EXOC5: variants seen among roughly 807,000 people sequenced by gnomAD.
The protein encoded by EXOC5 is exocyst complex component 5.
EXOC5 carries 17 observed loss-of-function variants against 90.8 expected under a neutral mutation model. The observed-to-expected ratio is 0.19, with a 90% confidence interval of 0.13 to 0.28. The LOEUF is 0.28. Ranked by LOEUF, EXOC5 falls within the 10% of genes least tolerant of loss-of-function variation. EXOC5 has a pLI of 1.00. For synonymous variants in EXOC5, 260 were observed against 270.0 expected (o/e 0.96, Z 0.36); for missense variants, 569 against 830.6 (o/e 0.69, Z 3.87).
intron 1 of EXOC5, among the ~76,000 whole-genome samples, chr14:57,253,589 C>G (rs150337358): frequency 6.6e-6 from 1 of 152,124 alleles, no homozygotes; most frequent in South Asian, 2.1e-4. Flanking sequence ...AGGACTCACA[C>G]CTTCTAATTT....
At chr14:57,234,988 T>C (rs1230688540) in intron 7 of EXOC5, among the ~76,000 whole-genome samples, 1 of 152,188 alleles carries the variant, frequency 6.6e-6, no homozygotes, top group Non-Finnish European at 1.5e-5. Flanking sequence ...TGATTTGTCA[T>C]TAAGCTCACC....
At chr14:57,261,353 A>AAG (rs1414369139) in intron 1 of EXOC5, among the ~76,000 whole-genome samples, 1 of 152,194 alleles carries the variant, frequency 6.6e-6, no homozygotes, top group Non-Finnish European at 1.5e-5. Flanking sequence ...TTAATTACAC[A>AAG]CATGTGCAGT....
intron 1 of EXOC5, among the ~76,000 whole-genome samples, chr14:57,255,452 G>C (rs1056013537): frequency 1.3e-4 from 20 of 152,106 alleles, no homozygotes; most frequent in African/African-American, 4.8e-4. Flanking sequence ...TTACAGCAAA[G>C]GAGGTAACCA....
At chr14:57,261,986 A>G (rs973658615) in intron 1 of EXOC5, among the ~76,000 whole-genome samples, 5 of 152,170 alleles carry the variant, frequency 3.3e-5, no homozygotes, top group Non-Finnish European at 7.4e-5. Flanking sequence ...AGGATGGCAG[A>G]TCTTGTGACC....
chr14:57,219,511 G>T (rs563583603), intron 13 of EXOC5, 69 bp from the exon 14 acceptor site: 67 of 1,262,828 alleles, frequency 5.3e-5, no homozygotes, highest in Non-Finnish European at 6.6e-5. Flanking sequence ...CAGAAAAAAA[G>T]AATGTGGTTT....
chr14:57,212,924 T>C (rs1374068442), intron 15 of EXOC5, among the ~76,000 whole-genome samples: 4 of 152,200 alleles, frequency 2.6e-5, no homozygotes, highest in African/African-American at 7.2e-5. Flanking sequence ...CACTTTTAAC[T>C]TTATGCAGTG....
chr14:57,249,728 A>G (rs1233606286), intron 1 of EXOC5, among the ~76,000 whole-genome samples: 1 of 152,058 alleles, frequency 6.6e-6, no homozygotes, highest in African/African-American at 2.4e-5. Context: ...GAAAGAGGAT[A>G]CAGAATGATG....
intron 4 of EXOC5, among the ~76,000 whole-genome samples, chr14:57,240,442 C>T (rs1331255976): frequency 2.0e-5 from 3 of 151,798 alleles, no homozygotes; most frequent in African/African-American, 7.3e-5. Flanking sequence ...CCACCATGCC[C>T]GGCTAATTTT....
chr14:57,217,704 A>C, intron 15 of EXOC5, among the ~76,000 whole-genome samples: 1 of 152,196 alleles, frequency 6.6e-6, no homozygotes, highest in South Asian at 2.1e-4. Context: ...CAACTGAAAA[A>C]CGTCACATAT....
intron 12 of EXOC5, among the ~76,000 whole-genome samples, chr14:57,227,831 C>T (rs1883354578): frequency 6.6e-6 from 1 of 152,012 alleles, no homozygotes; most frequent in Non-Finnish European, 1.5e-5. Context: ...ATAATTAAGA[C>T]TGCCTCAACT....
In EXOC5 at chr14:57,231,730, G is replaced by T. The variant is rs577699140; in HGVS notation, c.939-15C>A. ...GATTGGTGGTTCTTTTCATGAAAAAGGGGGAGAAAAAGATTAATATACATT... is the reference window on the plus strand; with the variant it reads ...GATTGGTGGTTCTTTTCATGAAAAATGGGGAGAAAAAGATTAATATACATT... On this transcript the variant is annotated splice_polypyrimidine_tract_variant and intron_variant, in intron 10 of 17. Coordinates refer to ENST00000621441, the MANE Select transcript of EXOC5 (RefSeq NM_006544.4). 6.5e-7 allele frequency: 1 copy of T among 1,538,162 alleles called. No homozygotes were observed. Among genetic ancestry groups the T allele is most frequent in the Non-Finnish European group, 8.9e-7 (1 of 1,126,658 alleles).
intron 12 of EXOC5, among the ~76,000 whole-genome samples, chr14:57,226,146 T>C (rs530353062): frequency 1.3e-4 from 20 of 152,312 alleles, no homozygotes; most frequent in African/African-American, 4.6e-4. Context: ...TCAATTTACA[T>C]TGCCAAGGTG....
chr14:57,266,511 G>A (rs959446629), intron 1 of EXOC5, among the ~76,000 whole-genome samples: 9 of 151,954 alleles, frequency 5.9e-5, no homozygotes, highest in African/African-American at 2.2e-4. Context: ...TTATGATGAA[G>A]CAACAAGCTA....
chr14:57,253,402 T>C (rs374373765), intron 1 of EXOC5, among the ~76,000 whole-genome samples: 1 of 152,174 alleles, frequency 6.6e-6, no homozygotes. Context: ...CACAAATAAA[T>C]GGAAACACAT....
In EXOC5 at chr14:57,226,044, A is replaced by C. The variant is rs962158716; in HGVS notation, c.1297-3628T>G. 2.0e-5 allele frequency among the ~76,000 whole-genome samples: 3 copies of C among 152,224 alleles called. No homozygotes were observed. The South Asian group carries it at 6.2e-4, about 32-fold the overall frequency. The stretch of plus-strand genomic sequence containing the variant: ...TCTACATTTTTACATAAACAATAGG[A>C]CAGAGGAAGCAATCAGATACGCATT... On this transcript the variant is annotated intron_variant, in intron 12 of 17. Transcript: ENST00000621441.
rs1367071138 is a variant in EXOC5 at position 57,204,097 on chromosome 14, T to C, written c.*4512A>G. The C allele has an allele frequency of 6.6e-6, 1 of 152,136 alleles. No homozygotes were observed. The highest frequency in any genetic ancestry group is 2.4e-5 in the African/African-American group (1 of 41,388). The allele number at this position is 152,136 out of a possible 1,614,324, so 9.4% of individuals were successfully genotyped here. ...CTAAACCACTTAGAAAATGGGCGAG[T>C]GTGTTTAATTACTCATCTTTCCCCC... On this transcript the variant is annotated 3_prime_UTR_variant, in exon 18 of 18. Coordinates refer to ENST00000621441, the MANE Select transcript of EXOC5 (RefSeq NM_006544.4).
intron 7 of EXOC5, among the ~76,000 whole-genome samples, chr14:57,234,682 T>C (rs1398248332): frequency 6.6e-6 from 1 of 151,408 alleles, no homozygotes; most frequent in South Asian, 2.1e-4. Flanking sequence ...CCTCCTGCTG[T>C]AGCCTCCCGA....
At chr14:57,209,491 G>C in intron 17 of EXOC5, 76 bp downstream of exon 17, 1 of 757,138 alleles carries the variant, frequency 1.3e-6, no homozygotes, top group South Asian at 1.9e-5. Flanking sequence ...CTAATTATAA[G>C]TAAATAGTGA....
chr14:57,215,020 A>T lies in EXOC5; in HGVS notation c.1613+2962T>A, dbSNP rs1882931996. Among the ~76,000 whole-genome samples the T allele has an allele frequency of 3.9e-5, 6 of 152,114 alleles. No homozygotes were observed. In the South Asian group the frequency reaches 1.2e-3, roughly 31 times the overall value. ...TGAGGCGGGTGGACTGCCTGAGGTC[A>T]GGAGTTCAAGACCAGTCTGGCTAAC... is the stretch of plus-strand genomic sequence containing the variant. On this transcript the variant is annotated intron_variant, in intron 15 of 17. Transcript: ENST00000621441.
Sources: allele counts gnomAD v4.1 joint callset (sites outside exome capture counted in the v4.1 genomes callset), GRCh38; gene constraint gnomAD v4.1.1; transcripts MANE v1.5; gene names NCBI Gene and HGNC (gene_info 2026-07-23, HGNC 2026-07-21).